Variants in ERBIN observed in about 807,000 individuals in gnomAD.
The protein encoded by ERBIN is erbb2 interacting protein.
In ERBIN, 60 loss-of-function variants were observed where a neutral mutation model predicts 158.4. The observed-to-expected ratio is 0.38, with a 90% CI of 0.31 to 0.47. The LOEUF is 0.47. ERBIN is among the 20% of genes least tolerant of loss of function. The probability of loss-of-function intolerance (pLI) is 0.99; values close to 1 mark genes in which losing one functional copy is unlikely to be tolerated. For synonymous variants in ERBIN, 594 were observed against 557.2 expected (o/e 1.07, Z -0.93); for missense variants, 1,610 against 1,648.0 (o/e 0.98, Z 0.40).
intron 1 of ERBIN, among the ~76,000 whole-genome samples, chr5:65,960,678 A>G (rs152996): frequency 0.73 from 111,635 of 152,038 alleles, 42,740 homozygotes; most frequent in Non-Finnish European, 0.86. Context: ...ACCAAATTAT[A>G]ATTAAGAGAG....
At chr5:65,969,275 A>G (rs1375858638) in intron 1 of ERBIN, among the ~76,000 whole-genome samples, 4 of 152,134 alleles carry the variant, frequency 2.6e-5, no homozygotes, top group African/African-American at 9.6e-5. Context: ...GAAACAAGTT[A>G]CTCTTATGTA....
chr5:65,953,738 T>C (rs751970719), intron 1 of ERBIN, among the ~76,000 whole-genome samples: 1 of 152,220 alleles, frequency 6.6e-6, no homozygotes, highest in East Asian at 1.9e-4. Flanking sequence ...CTTACTGATA[T>C]TAAGACATGG....
At chr5:66,052,469 C>G (rs1759143264) in intron 20 of ERBIN, among the ~76,000 whole-genome samples, 1 of 151,904 alleles carries the variant, frequency 6.6e-6, no homozygotes, top group African/African-American at 2.4e-5. Flanking sequence ...TTATAACCTC[C>G]TAGATATTAT....
intron 12 of ERBIN, 128 bp from the exon 13 acceptor site, chr5:66,026,170 AAAAG>A (rs1756227713): frequency 2.9e-6 from 2 of 699,448 alleles, no homozygotes; most frequent in African/African-American, 3.8e-5. Flanking sequence ...AAATTAATTA[AAAAG>A]AAAGTCTAGT....
chr5:65,929,073 G>GGAGA (rs1743038814), intron 1 of ERBIN, among the ~76,000 whole-genome samples: 2 of 152,128 alleles, frequency 1.3e-5, no homozygotes, highest in African/African-American at 4.8e-5. Flanking sequence ...AGGTCTCCTT[G>GGAGA]CCATTTGAGA....
intron 1 of ERBIN, among the ~76,000 whole-genome samples, chr5:65,948,324 G>A (rs954068793): frequency 1.3e-5 from 2 of 151,804 alleles, no homozygotes; most frequent in Admixed American, 1.3e-4. Context: ...ACAAGTGCGG[G>A]CTACAATGAC....
In ERBIN at chr5:66,048,833, T is replaced by C. The variant is rs1398556209; in HGVS notation, c.1903+52T>C. On this transcript the variant is annotated intron_variant, in intron 19 of 25. Transcript: ENST00000284037. ...AATAGAAATTGCCTCAATAAATTTA[T>C]AAATTTTTTTGAAATAAATTTCATT... 6 of 1,104,828 alleles carry C rather than the reference T, an allele frequency of 5.4e-6. No homozygotes were observed. The East Asian group carries it at 1.4e-4, about 25-fold the overall frequency. The allele number at this position is 1,104,828 out of a possible 1,614,324, so 68.4% of individuals were successfully genotyped here.
At chr5:66,060,650 CT>C (rs1455538333) in intron 21 of ERBIN, among the ~76,000 whole-genome samples, 10 of 152,176 alleles carry the variant, frequency 6.6e-5, no homozygotes, top group Non-Finnish European at 2.9e-5. Flanking sequence ...AATTTTAGAT[CT>C]TTCCTGCTTT....
chr5:66,078,537 T>C lies in ERBIN; in HGVS notation c.*7T>C. 1 of 1,576,800 alleles carries C rather than the reference T, an allele frequency of 6.3e-7. No individual in the cohort carries two copies. The highest frequency in any genetic ancestry group is 8.7e-7 in the Non-Finnish European group (1 of 1,149,878). ...ACGAGAAGTTTCCTCATAAGCACTG[T>C]GGACAAAAAAAGCGGGGAAGACAGC... On this transcript the variant is annotated 3_prime_UTR_variant, in exon 26 of 26. Transcript: ENST00000284037.
intron 7 of ERBIN, among the ~76,000 whole-genome samples, chr5:66,019,529 A>G (rs1755464162): frequency 1.3e-5 from 2 of 152,186 alleles, no homozygotes; most frequent in Admixed American, 6.5e-5. Context: ...AGGCAGCTAG[A>G]TCTTATTCTA....
At chr5:65,948,171 GTT>G (rs1166710555) in intron 1 of ERBIN, among the ~76,000 whole-genome samples, 2 of 151,248 alleles carry the variant, frequency 1.3e-5, no homozygotes, top group Non-Finnish European at 2.9e-5. Flanking sequence ...GTTTGTTTTT[GTT>G]TTTTTTGAGA....
At chr5:65,957,897 A>G (rs1247483550) in intron 1 of ERBIN, among the ~76,000 whole-genome samples, 4 of 150,202 alleles carry the variant, frequency 2.7e-5, no homozygotes, top group Non-Finnish European at 5.9e-5. Context: ...CTCACTTCTC[A>G]GCCGGGGCGG....
At chr5:65,944,983 GA>G (rs997245503) in intron 1 of ERBIN, among the ~76,000 whole-genome samples, 2 of 151,866 alleles carry the variant, frequency 1.3e-5, no homozygotes, top group African/African-American at 4.8e-5. Flanking sequence ...CAAATTTAAA[GA>G]AAAAAATGGA....
chr5:65,996,592 GT>G (rs1561349954), intron 4 of ERBIN, among the ~76,000 whole-genome samples: 2 of 151,930 alleles, frequency 1.3e-5, no homozygotes, highest in African/African-American at 4.8e-5. Context: ...AGTTCTTTTT[GT>G]TCACCGTTGC....
In ERBIN at chr5:65,967,566, T is replaced by C. The variant is rs113657849; in HGVS notation, c.-57-21069T>C. Among the ~76,000 whole-genome samples, 376 of 152,172 alleles carry C rather than the reference T, an allele frequency of 2.5e-3. 1 individual carries two copies. Among genetic ancestry groups the C allele is most frequent in the African/African-American group, 8.3e-3 (346 of 41,502 alleles). On this transcript the variant is annotated intron_variant, in intron 1 of 25. Transcript: ENST00000284037. ...TAGGCTACACCATATAGCCTAGAGG[T>C]GTAGTAGGTTATACCATCTAGGTTT...
chr5:65,992,228 C>A (rs1751949117), intron 2 of ERBIN, among the ~76,000 whole-genome samples: 1 of 152,052 alleles, frequency 6.6e-6, no homozygotes, highest in South Asian at 2.1e-4. Flanking sequence ...CGGCTCACTG[C>A]AAGCTCCACC....
rs1204787491 is a variant in ERBIN, at chr5:66,081,610, A to G, written c.*3080A>G. The G allele has an allele frequency of 1.3e-5, 2 of 151,284 alleles. No individual in the cohort carries two copies. The highest frequency in any genetic ancestry group is 2.4e-5 in the African/African-American group (1 of 41,216). 9.4% of individuals were successfully genotyped at this position (151,284 alleles called of 1,614,324 possible). A position where few individuals can be genotyped will look rare whatever the true frequency, so the allele number is the denominator to read the frequency against. On this transcript the variant is annotated 3_prime_UTR_variant, in exon 26 of 26. Coordinates refer to ENST00000284037, the MANE Select transcript of ERBIN (RefSeq NM_001253697.2). ...GAGAAATTCTCATGAAAAATATACA[A>G]TTTTTTTTTAGCATTAAAACCCTGT...
chr5:65,989,790 A>AT (rs1561339551), intron 2 of ERBIN, among the ~76,000 whole-genome samples: 1 of 152,248 alleles, frequency 6.6e-6, no homozygotes, highest in African/African-American at 2.4e-5. Flanking sequence ...CTAAGTGTAA[A>AT]TAGCCACATG....
chr5:66,047,856 G>T (rs1238451839), intron 18 of ERBIN, among the ~76,000 whole-genome samples: 1 of 151,994 alleles, frequency 6.6e-6, no homozygotes, highest in Non-Finnish European at 1.5e-5. Context: ...TAATTTCTAT[G>T]TGTAAGGCAC....
Sources: allele counts gnomAD v4.1 joint callset (sites outside exome capture counted in the v4.1 genomes callset), GRCh38; gene constraint gnomAD v4.1.1; transcripts MANE v1.5; gene names NCBI Gene and HGNC (gene_info 2026-07-23, HGNC 2026-07-21).